Variants in CSMD2 observed in about 807,000 individuals in gnomAD.
The protein encoded by CSMD2 is CUB and sushi domain-containing protein 2.
In CSMD2, 130 loss-of-function variants were observed where a neutral mutation model predicts 398.5. That is an observed-to-expected ratio of 0.33 (90% CI 0.28 to 0.38). The LOEUF (loss-of-function observed/expected upper bound fraction) is 0.38. Ranked by LOEUF, CSMD2 falls within the 10% of genes least tolerant of loss-of-function variation. The pLI, the probability that CSMD2 is intolerant of heterozygous loss-of-function variation, is 1.00. For missense variants in CSMD2, 3,829 were observed against 4,764.9 expected, an observed-to-expected ratio of 0.80 and a Z score of 5.78; for synonymous variants, 1,828 against 1,908.5, an observed-to-expected ratio of 0.96 and a Z score of 1.10.
intron 5 of CSMD2, chr1:33,882,108 C>A (rs907812476): frequency 4.6e-5 from 7 of 152,154 alleles, no homozygotes; most frequent in Admixed American, 4.6e-4. Flanking sequence ...GTTTTAATTC[C>A]TACCATGAAA....
Position 33,801,844 on chromosome 1 carries a change from G to T in CSMD2, c.1446+8899C>A, listed in dbSNP as rs893165097. On this transcript the variant is annotated intron_variant, in intron 10 of 70. Coordinates refer to ENST00000373381, the MANE Select transcript of CSMD2 (RefSeq NM_001281956.2). ...GGGCCAGGTGTGTCTGTGAACCTGA[G>T]TTCAGTGTGGCTGAAGCTGGGGCTG... Among the ~76,000 whole-genome samples, 3 of 152,344 alleles carry T rather than the reference G, an allele frequency of 2.0e-5. No homozygotes were observed. In the South Asian group the frequency reaches 6.2e-4, roughly 32 times the overall value.
chr1:34,038,158 C>T (rs1423866999), intron 2 of CSMD2, among the ~76,000 whole-genome samples: 1 of 152,162 alleles, frequency 6.6e-6, no homozygotes, highest in Non-Finnish European at 1.5e-5. Flanking sequence ...GAAGACCCCG[C>T]AGTTAGGAGG....
chr1:33,537,464 T>A lies in CSMD2; in HGVS notation c.9777A>T (p.Thr3259=), dbSNP rs777449338. 8.7e-6 allele frequency: 14 copies of A among 1,613,816 alleles called. No homozygotes were observed. Among genetic ancestry groups the A allele is most frequent in the Non-Finnish European group, 5.9e-6 (7 of 1,179,892 alleles). The change falls in exon 61 of 71, where the codon ACA becomes ACT. Residue 3259 remains threonine, a synonymous_variant. Coordinates refer to ENST00000373381, the MANE Select transcript of CSMD2 (RefSeq NM_001281956.2). This position sits in a 1 kb window ranked among gnomAD's most constrained non-coding sequence, Gnocchi z 4.6. ...SPRRFCQSDG[T]WSGTQPSCID... is the part of the protein sequence containing the mutation. ...TGCAGCTGGGCTGGGTGCCACTCCA[T>A]GTCCCATCTGACTGGCAAAACCTGC...
At chr1:34,157,605 C>T (rs1640927649) in intron 1 of CSMD2, among the ~76,000 whole-genome samples, 1 of 144,878 alleles carries the variant, frequency 6.9e-6, no homozygotes, top group Admixed American at 7.0e-5. Flanking sequence ...CACATTCCCT[C>T]CCCACCTCAC....
intron 25 of CSMD2, among the ~76,000 whole-genome samples, chr1:33,690,722 ATATAACTACCTT>A (rs1349985839): frequency 6.6e-6 from 1 of 152,218 alleles, no homozygotes; most frequent in African/African-American, 2.4e-5. Context: ...TCCACTAGGC[ATATAACTACCTT>A]TATACTTGGG....
At chr1:33,706,424 TCTC>T (rs1571288082) in intron 22 of CSMD2, among the ~76,000 whole-genome samples, 2 of 152,178 alleles carry the variant, frequency 1.3e-5, no homozygotes, top group South Asian at 2.1e-4. Flanking sequence ...CTATTCAATC[TCTC>T]CTCATCTCAG....
chr1:33,624,573 G>T lies in CSMD2; in HGVS notation c.5571C>A (p.Leu1857=). 6.2e-7 allele frequency: 1 copy of T among 1,614,016 alleles called. No individual in the cohort carries two copies. The highest frequency in any genetic ancestry group is 8.5e-7 in the Non-Finnish European group (1 of 1,179,942). The change falls in exon 35 of 71, where the codon CTC becomes CTA. Residue 1857 remains leucine, a synonymous_variant. Coordinates refer to ENST00000373381, the MANE Select transcript of CSMD2 (RefSeq NM_001281956.2). This position sits in a 1 kb window ranked among gnomAD's most constrained non-coding sequence, Gnocchi z 4.7. The part of the protein sequence containing the change: ...ILSPGFPEPY[L]NSLNCVWKIV... ...TCTTCCACACACAGTTGAGGCTGTTGAGGTACGGCTCTGGGAAGCCAGGGG... is the reference window on the plus strand; with the variant it reads ...TCTTCCACACACAGTTGAGGCTGTTTAGGTACGGCTCTGGGAAGCCAGGGG...
At chr1:34,105,580 C>G (rs1164809980) in intron 1 of CSMD2, among the ~76,000 whole-genome samples, 1 of 152,200 alleles carries the variant, frequency 6.6e-6, no homozygotes, top group Non-Finnish European at 1.5e-5. Flanking sequence ...TCGTGCCATG[C>G]CCTCCTTGGA....
chr1:33,926,372 A>G (rs1039380269), intron 4 of CSMD2, among the ~76,000 whole-genome samples: 1 of 152,002 alleles, frequency 6.6e-6, no homozygotes, highest in Non-Finnish European at 1.5e-5. Flanking sequence ...CCATCCCGAG[A>G]TTTTCAAACT....
At chr1:33,707,598 C>A (rs1331241044) in intron 22 of CSMD2, among the ~76,000 whole-genome samples, 3 of 152,018 alleles carry the variant, frequency 2.0e-5, no homozygotes, top group Non-Finnish European at 2.9e-5. Context: ...CCAGTCCCAG[C>A]CAGTGATCTC....
chr1:33,791,359 G>A (rs551507344), intron 11 of CSMD2, among the ~76,000 whole-genome samples: 2 of 152,316 alleles, frequency 1.3e-5, no homozygotes, highest in South Asian at 4.1e-4. Context: ...TTCCATCCCA[G>A]TGCCTGGGAG....
At chr1:33,851,555 G>A (rs1279688530) in intron 5 of CSMD2, among the ~76,000 whole-genome samples, 1 of 152,152 alleles carries the variant, frequency 6.6e-6, no homozygotes, top group East Asian at 1.9e-4. Context: ...TGAATGGAGA[G>A]GACACCAGGA....
At chr1:33,968,501 G>A (rs1645641138) in intron 3 of CSMD2, among the ~76,000 whole-genome samples, 1 of 152,226 alleles carries the variant, frequency 6.6e-6, no homozygotes. Flanking sequence ...TAGCAGATTA[G>A]AGATAAGATC....
At chr1:33,564,205 G>T (rs1295346935) in intron 53 of CSMD2, among the ~76,000 whole-genome samples, 1 of 152,174 alleles carries the variant, frequency 6.6e-6, no homozygotes, top group African/African-American at 2.4e-5. Flanking sequence ...AGTCTTTGAG[G>T]TGCCTGCTTT....
Position 33,537,073 on chromosome 1 carries a change from C to T in CSMD2, c.9828G>A (p.Ala3276=), listed in dbSNP as rs776299558. The T allele has an allele frequency of 2.1e-5, 34 of 1,614,076 alleles. No individual in the cohort carries two copies. Among genetic ancestry groups the T allele is most frequent in the South Asian group, 1.5e-4 (14 of 91,090 alleles). ...TCCCAAACTGTGGCACACCAGGGTC[C>T]GCACACGTGGTCAGGGTCGGATCTG... ...SCIDPTLTTC[A]DPGVPQFGIQ... is the part of the protein sequence containing the mutation. Residue 3276 remains alanine, a synonymous_variant, in exon 62 of 71, where the codon GCG becomes GCA. Transcript: ENST00000373381. This position sits in a 1 kb window ranked among gnomAD's most constrained non-coding sequence, Gnocchi z 4.6.
intron 7 of CSMD2, among the ~76,000 whole-genome samples, chr1:33,825,034 G>C (rs1007692812): frequency 6.6e-6 from 1 of 152,140 alleles, no homozygotes; most frequent in Non-Finnish European, 1.5e-5. Flanking sequence ...CCCTGATCAG[G>C]TGTTTCTGGG....
intron 22 of CSMD2, among the ~76,000 whole-genome samples, chr1:33,708,068 C>A (rs1035608333): frequency 2.0e-5 from 3 of 152,208 alleles, no homozygotes; most frequent in African/African-American, 4.8e-5. Context: ...CCACGCTCAA[C>A]TCTGTGATTA....
intron 4 of CSMD2, among the ~76,000 whole-genome samples, chr1:33,927,449 G>T (rs955073675): frequency 1.3e-5 from 2 of 152,164 alleles, no homozygotes; most frequent in Non-Finnish European, 2.9e-5. Flanking sequence ...GCCAGGCATT[G>T]TGCAAAATGC....
At chr1:33,737,646 C>G (rs1404019725) in intron 15 of CSMD2, among the ~76,000 whole-genome samples, 1 of 152,072 alleles carries the variant, frequency 6.6e-6, no homozygotes, top group African/African-American at 2.4e-5. Context: ...TGGTGAGAGT[C>G]GGGGCTCTGG....
Sources: allele counts gnomAD v4.1 joint callset (sites outside exome capture counted in the v4.1 genomes callset), GRCh38; gene constraint gnomAD v4.1.1; non-coding constraint Gnocchi (gnomAD v3.1); transcripts MANE v1.5; gene names NCBI Gene and HGNC (gene_info 2026-07-23, HGNC 2026-07-21).